The following IGSF10 variants were observed in gnomAD, a reference collection of about 807,000 sequenced individuals.
IGSF10 encodes the protein calvaria mechanical force protein 608.
IGSF10 carries 126 observed loss-of-function variants against 128.2 expected under a neutral mutation model. The ratio of observed to expected loss-of-function variants is 0.98; its 90% CI spans 0.85 to 1.14. The LOEUF (loss-of-function observed/expected upper bound fraction) is 1.14. Ranked by LOEUF, IGSF10 falls within the 50% of genes most tolerant of loss-of-function variation. IGSF10 has a pLI of 0.00. For synonymous variants in IGSF10, 1,185 were observed against 1,146.2 expected (o/e 1.03, Z -0.68); for missense variants, 3,295 against 3,149.8 (o/e 1.05, Z -1.10).
chr3:151,456,318 G>GAGGA (rs1224799094), intron 4 of IGSF10, among the ~76,000 whole-genome samples: 1 of 152,116 alleles, frequency 6.6e-6, no homozygotes, highest in Non-Finnish European at 1.5e-5. Flanking sequence ...TTTATTTTAT[G>GAGGA]GCACTGTATT....
At position 151,446,331 on chromosome 3, in the gene IGSF10, C is replaced by G; in HGVS notation, c.3650G>C (p.Gly1217Ala). 1 of 1,613,884 alleles carries G rather than the reference C, an allele frequency of 6.2e-7. No individual in the cohort carries two copies. Among genetic ancestry groups the G allele is most frequent in the Non-Finnish European group, 8.5e-7 (1 of 1,179,808 alleles). The part of the protein sequence containing the change: ...QNFVNNHNPK[G>A]RLRNQHKVSL... ...AACTTTATGTTGATTCCTTAATCTG[C>G]CTTTTGGGTTATGGTTATTTACAAA... The change falls in exon 6 of 8, where the codon GGC (glycine) becomes GCC (alanine). Residue 1217 changes from glycine to alanine, a missense_variant. Coordinates refer to ENST00000282466, the MANE Select transcript of IGSF10 (RefSeq NM_178822.5).
chr3:151,537,711 A>C, the IGSF10 span, among the ~76,000 whole-genome samples: 2 of 152,012 alleles, frequency 1.3e-5, no homozygotes, highest in Non-Finnish European at 2.9e-5. Flanking sequence ...CTAAGTGTTC[A>C]TGGACTCTTA....
At chr3:151,602,821 G>C in the IGSF10 span, among the ~76,000 whole-genome samples, 1 of 152,156 alleles carries the variant, frequency 6.6e-6, no homozygotes, top group African/African-American at 2.4e-5. Context: ...AAGGGAATAG[G>C]TTCATGATTA....
At chr3:151,585,031 C>A in the IGSF10 span, among the ~76,000 whole-genome samples, 1 of 152,106 alleles carries the variant, frequency 6.6e-6, no homozygotes, top group Non-Finnish European at 1.5e-5. Flanking sequence ...TTAATGATTA[C>A]TGTAAAGATT....
chr3:151,436,875 C>A lies in IGSF10; in HGVS notation c.7686G>T (p.Trp2562Cys), dbSNP rs554475242. 1.2e-6 allele frequency: 2 copies of A among 1,614,028 alleles called. No individual in the cohort carries two copies. ...ALGVPKPEIT[W>C]EMPDHSLLST... ...AGAGAAGGGAGTGGTCAGGCATCTCCCATGTGATTTCTGGCTTGGGAACTC... is the reference window on the plus strand; with the variant it reads ...AGAGAAGGGAGTGGTCAGGCATCTCACATGTGATTTCTGGCTTGGGAACTC... The change falls in exon 8 of 8, where the codon TGG becomes TGT. Residue 2562 changes from tryptophan (W) to cysteine (C), a missense_variant. Trp to Cys is a radical substitution (Grantham distance 215, BLOSUM62 -2). Coordinates refer to ENST00000282466, the MANE Select transcript of IGSF10 (RefSeq NM_178822.5).
chr3:151,602,024 A>AT, the IGSF10 span, among the ~76,000 whole-genome samples: 6,933 of 146,808 alleles, frequency 0.047, 234 homozygotes, highest in East Asian at 0.13. Context: ...GCATCTTAAG[A>AT]TTTTTTTTTT....
chr3:151,601,535 C>T, the IGSF10 span, among the ~76,000 whole-genome samples: 2 of 152,294 alleles, frequency 1.3e-5, no homozygotes, highest in East Asian at 1.9e-4. Context: ...GCTCAAAGAA[C>T]ATGTTTTAAA....
the IGSF10 span, among the ~76,000 whole-genome samples, chr3:151,542,896 C>A: frequency 4.6e-5 from 7 of 152,268 alleles, no homozygotes; most frequent in East Asian, 1.2e-3. Flanking sequence ...AGAGGCCACA[C>A]AATTTTAGCT....
At chr3:151,617,782 C>T in the IGSF10 span, among the ~76,000 whole-genome samples, 4 of 151,804 alleles carry the variant, frequency 2.6e-5, no homozygotes, top group African/African-American at 9.7e-5. Flanking sequence ...AGAGGTGGGC[C>T]TTTTAAAAGT....
chr3:151,436,667 T>A lies in IGSF10; in HGVS notation c.*22A>T. ...CCAAAAAATAAATTCTGCCCAGATG[T>A]TGTTGACTTTATTATTTCATGTCAG... On this transcript the variant is annotated 3_prime_UTR_variant, in exon 8 of 8. Coordinates refer to ENST00000282466, the MANE Select transcript of IGSF10 (RefSeq NM_178822.5). 6.6e-7 allele frequency: 1 copy of A among 1,512,014 alleles called. No individual in the cohort carries two copies. The highest frequency in any genetic ancestry group is 1.3e-5 in the South Asian group (1 of 79,726). 93.7% of individuals were successfully genotyped at this position (1,512,014 alleles called of 1,614,324 possible). A position where few individuals can be genotyped will look rare whatever the true frequency, so the allele number is the denominator to read the frequency against.
chr3:151,447,840 C>T lies in IGSF10; in HGVS notation c.2141G>A (p.Ser714Asn). ...MEAEVGKHTS[S>N]TSKRHNYREL... ...CCGATAGTTGTGCCTCTTACTTGTG[C>T]TTGAGGTGTGTTTTCCAACCTCAGC... The change falls in exon 6 of 8, where the codon AGC (serine) becomes AAC (asparagine). Residue 714 changes from serine to asparagine, a missense_variant. Transcript: ENST00000282466. The T allele has an allele frequency of 1.9e-6, 3 of 1,614,104 alleles. No individual in the cohort carries two copies. The highest frequency in any genetic ancestry group is 1.7e-5 in the Admixed American group (1 of 60,014).
the IGSF10 span, among the ~76,000 whole-genome samples, chr3:151,570,508 T>G: frequency 6.6e-6 from 1 of 152,250 alleles, no homozygotes. Context: ...TTTTTTCATG[T>G]GTCTGTTGGC....
In IGSF10 at chr3:151,446,051, G is replaced by A. The variant is rs915516435; in HGVS notation, c.3930C>T (p.Ser1310=). ...GTATTGCTGTTTGCGTTGATATGAT[G>A]CTTTTTGTACTTGAGTCTTTGCTTA... ...SIISKDSSTK[S]IISTQTAIPA... is the part of the protein sequence containing the mutation. The change falls in exon 6 of 8, where the codon AGC becomes AGT. Residue 1310 remains serine (S), a synonymous_variant. Transcript: ENST00000282466. 1 of 1,614,120 alleles carries A rather than the reference G, an allele frequency of 6.2e-7. No individual in the cohort carries two copies. The highest frequency in any genetic ancestry group is 8.5e-7 in the Non-Finnish European group (1 of 1,180,020).
Position 151,437,661 on chromosome 3 carries a change from A to C in IGSF10, c.6900T>G (p.Ile2300Met), listed in dbSNP as rs1720472053. The change falls in exon 8 of 8, where the codon ATT (isoleucine) becomes ATG (methionine). Residue 2300 changes from isoleucine to methionine, a missense_variant. Transcript: ENST00000282466. ...ITVHKNGTLE[I>M]RNVRLSDSAD... ...CTGAATCTGAAAGCCTCACATTCCT[A>C]ATTTCCAAGGTTCCATTTTTATGGA... 1 of 1,613,986 alleles carries C rather than the reference A, an allele frequency of 6.2e-7. No homozygotes were observed. Among genetic ancestry groups the C allele is most frequent in the Non-Finnish European group, 8.5e-7 (1 of 1,180,032 alleles).
chr3:151,457,627 G>C (rs897947466), intron 3 of IGSF10, among the ~76,000 whole-genome samples: 1 of 152,048 alleles, frequency 6.6e-6, no homozygotes, highest in African/African-American at 2.4e-5. Flanking sequence ...ACAGAGTAGT[G>C]GTACAACCCT....
At chr3:151,494,329 ATTAAG>A in the IGSF10 span, among the ~76,000 whole-genome samples, 1,053 of 152,230 alleles carry the variant, frequency 6.9e-3, 30 homozygotes, top group East Asian at 0.063. Flanking sequence ...AGAATTTTCT[ATTAAG>A]TTAGGAAGAA....
chr3:151,606,111 T>C, the IGSF10 span, among the ~76,000 whole-genome samples: 19 of 152,352 alleles, frequency 1.2e-4, no homozygotes, highest in African/African-American at 3.8e-4. Flanking sequence ...TATTCTGCTG[T>C]GTTGTCACTA....
the IGSF10 span, among the ~76,000 whole-genome samples, chr3:151,475,469 A>G: frequency 8.5e-4 from 130 of 152,344 alleles, no homozygotes; most frequent in South Asian, 0.011. Flanking sequence ...CTTAATAGGT[A>G]AACAAGATTG....
At position 151,443,889 on chromosome 3, in the gene IGSF10, G is replaced by A. The variant is rs1378466085; in HGVS notation, c.5063-5C>T. The A allele has an allele frequency of 1.3e-6, 2 of 1,561,892 alleles. No individual in the cohort carries two copies. Among genetic ancestry groups the A allele is most frequent in the South Asian group, 1.2e-5 (1 of 84,614 alleles). ...TCCTCTTAGATAAATCAAGTCCTGAGAAGAAAAAAAGAAAATTATTGCTAC... is the reference window on the plus strand; with the variant it reads ...TCCTCTTAGATAAATCAAGTCCTGAAAAGAAAAAAAGAAAATTATTGCTAC... On this transcript the variant is annotated splice_polypyrimidine_tract_variant and splice_region_variant and intron_variant, in intron 6 of 7. Coordinates refer to ENST00000282466, the MANE Select transcript of IGSF10 (RefSeq NM_178822.5).
Sources: gnomAD v4.1 joint callset for allele counts (sites outside exome capture counted in the v4.1 genomes callset) on GRCh38, gnomAD v4.1.1 for gene constraint, MANE v1.5 for transcripts, NCBI Gene and HGNC (gene_info 2026-07-23, HGNC 2026-07-21) for gene names.